Variants in GBF1 observed in about 807,000 individuals in gnomAD.
The protein encoded by GBF1 is Golgi-specific brefeldin A-resistance guanine nucleotide exchange factor 1.
A neutral mutation model predicts 210.5 loss-of-function variants in GBF1; 114 were observed. The ratio of observed to expected loss-of-function variants is 0.54; its 90% CI spans 0.47 to 0.63. GBF1 has a LOEUF of 0.63. GBF1 is among the 30% of genes least tolerant of loss of function. GBF1 has a pLI of 0.00. For missense variants in GBF1, 1,851 were observed against 2,357.7 expected (o/e 0.79, Z 4.45); for synonymous variants, 850 against 889.2 (o/e 0.96, Z 0.78).
chr10:102,376,676 G>C lies in GBF1; in HGVS notation c.4164G>C (p.Lys1388Asn). 6.2e-7 allele frequency: 1 copy of C among 1,613,962 alleles called. No individual in the cohort carries two copies. The highest frequency in any genetic ancestry group is 1.1e-5 in the South Asian group (1 of 91,076). ...VGLDLGPHDT[K>N]SLLKCVESLS... ...TGGATTTGGGGCCACACGACACTAA[G>C]TCTCTGCTTAAGTGTGTGGAATCGC... Residue 1388 changes from lysine (K) to asparagine (N), a missense_variant, in exon 32 of 40, where the codon AAG becomes AAC. Coordinates refer to ENST00000369983, the MANE Select transcript of GBF1 (RefSeq NM_001377137.1).
intron 3 of GBF1, among the ~76,000 whole-genome samples, chr10:102,318,450 C>T (rs1174111194): frequency 6.7e-6 from 1 of 150,234 alleles, no homozygotes; most frequent in Admixed American, 6.7e-5. Context: ...CTTGGCCTCC[C>T]AAAGTGCTGG....
At chr10:102,357,693 G>C (rs2059374298) in intron 8 of GBF1, among the ~76,000 whole-genome samples, 1 of 152,076 alleles carries the variant, frequency 6.6e-6, no homozygotes, top group Non-Finnish European at 1.5e-5. Flanking sequence ...TACACTTTCT[G>C]CAAGAGGGTC....
intron 3 of GBF1, among the ~76,000 whole-genome samples, chr10:102,316,205 G>A (rs2078918002): frequency 1.3e-5 from 2 of 150,712 alleles, no homozygotes; most frequent in Non-Finnish European, 2.9e-5. Context: ...TCCTGCCTCA[G>A]CCTCCCATGT....
At chr10:102,300,999 T>G (rs11594914) in intron 3 of GBF1, among the ~76,000 whole-genome samples, 5 of 148,922 alleles carry the variant, frequency 3.4e-5, no homozygotes, top group Non-Finnish European at 7.4e-5. Context: ...TTTTAAGTAT[T>G]TATTGATCAT....
At position 102,247,228 on chromosome 10, in the gene GBF1, A is replaced by C. The variant is rs557582383; in HGVS notation, c.-11+1447A>C. 2.0e-5 allele frequency among the ~76,000 whole-genome samples: 3 copies of C among 152,338 alleles called. No homozygotes were observed. In the South Asian group the frequency reaches 6.2e-4, roughly 32 times the overall value. On this transcript the variant is annotated intron_variant, in intron 1 of 39. Transcript: ENST00000369983. ...TCCTACCTTTGTCCTTATGAAATTG[A>C]AATTTCATAATTTCCCTTTTCCCTT...
At chr10:102,315,766 G>A (rs941322455) in intron 3 of GBF1, among the ~76,000 whole-genome samples, 7 of 152,142 alleles carry the variant, frequency 4.6e-5, no homozygotes, top group African/African-American at 1.4e-4. Context: ...GCCACAGACT[G>A]GTAGTGGTCC....
chr10:102,275,518 G>A (rs1412770076), intron 3 of GBF1, among the ~76,000 whole-genome samples: 4 of 152,152 alleles, frequency 2.6e-5, no homozygotes, highest in African/African-American at 9.7e-5. Context: ...CAGTGAAACA[G>A]TTAAACAGTG....
the GBF1 span, chr10:102,231,509 G>C: frequency 3.1e-6 from 3 of 963,012 alleles, no homozygotes; most frequent in Non-Finnish European, 4.7e-6. Flanking sequence ...GGCAGGTGGG[G>C]TGGAACCGCT....
rs572767546 is a variant in GBF1, at chr10:102,261,057, T to C, written c.163+941T>C. Among the ~76,000 whole-genome samples, 14 of 152,258 alleles carry C rather than the reference T, an allele frequency of 9.2e-5. No homozygotes were observed. The East Asian group carries it at 2.7e-3, about 29-fold the overall frequency. ...AGGCATGGCAGCTATTGTCCCCTTTTTGTGAAAGAAGTTAAAGCCCAGAGG... is the reference window on the plus strand; with the variant it reads ...AGGCATGGCAGCTATTGTCCCCTTTCTGTGAAAGAAGTTAAAGCCCAGAGG... On this transcript the variant is annotated intron_variant, in intron 3 of 39. Coordinates refer to ENST00000369983, the MANE Select transcript of GBF1 (RefSeq NM_001377137.1).
chr10:102,305,452 A>G (rs958349786), intron 3 of GBF1, among the ~76,000 whole-genome samples: 1 of 152,032 alleles, frequency 6.6e-6, no homozygotes, highest in African/African-American at 2.4e-5. Context: ...ATAGTGAAAA[A>G]TACAAAAATT....
rs1263151407 is a variant in GBF1 at position 102,293,764 on chromosome 10, G to GTTTTTTTTTTTTTTTTTTTTT, written c.163+33652_163+33653insTTTTTTTTTTTTTTTTTTTTT. Among the ~76,000 whole-genome samples, 174 of 50,878 alleles carry GTTTTTTTTTTTTTTTTTTTTT rather than the reference G, an allele frequency of 3.4e-3. 67 individuals carry two copies. Among genetic ancestry groups the GTTTTTTTTTTTTTTTTTTTTT allele is most frequent in the Middle Eastern group, 0.026 (2 of 78 alleles). The allele number at this position is 50,878 out of a possible 152,430, so 33.4% of individuals were successfully genotyped here. On this transcript the variant is annotated intron_variant, in intron 3 of 39. Transcript: ENST00000369983. ...AAAATATTTTGTACAGCTGTAGTAT[G>GTTTTTTTTTTTTTTTTTTTTT]TTTTGTGTTTTTTTTTTTTTTTTTT...
chr10:102,331,925 T>C (rs141867711), intron 3 of GBF1, among the ~76,000 whole-genome samples: 1,758 of 143,582 alleles, frequency 0.012, 31 homozygotes, highest in African/African-American at 0.043. Context: ...AGTGGCGCAG[T>C]CTTGGCTCAC....
intron 3 of GBF1, among the ~76,000 whole-genome samples, chr10:102,271,326 C>T (rs945869361): frequency 5.9e-5 from 9 of 152,192 alleles, no homozygotes; most frequent in East Asian, 1.9e-4. Flanking sequence ...CGTGAGCCAC[C>T]GCACCTGGCC....
chr10:102,279,476 A>T (rs1417395955), intron 3 of GBF1, among the ~76,000 whole-genome samples: 1 of 152,192 alleles, frequency 6.6e-6, no homozygotes, highest in African/African-American at 2.4e-5. Context: ...TCATCTTATT[A>T]AGCACTTCCA....
chr10:102,352,485 C>T lies in GBF1; in HGVS notation c.551C>T (p.Thr184Ile), dbSNP rs2059051323. 9.3e-6 allele frequency: 15 copies of T among 1,611,904 alleles called. No individual in the cohort carries two copies. The highest frequency in any genetic ancestry group is 4.0e-5 in the African/African-American group (3 of 74,898). Residue 184 changes from threonine (T) to isoleucine (I), a missense_variant, in exon 7 of 40, where the codon ACT becomes ATT. By Grantham distance (89) the Thr-to-Ile change is moderately conservative (BLOSUM62 -1). This residue lies in a region of GBF1 where 804 missense variants were observed against 958.6 expected (regional missense o/e 0.84). Coordinates refer to ENST00000369983, the MANE Select transcript of GBF1 (RefSeq NM_001377137.1). The part of the protein sequence containing the change: ...SELLRKSAEH[T>I]LVDMVQLLFT... Reference sequence around the variant, plus strand: ...TTATTGAGAAAATCCGCAGAGCACACTCTCGTAGACATGGTGCAGCTGCTC... The same window carrying T: ...TTATTGAGAAAATCCGCAGAGCACATTCTCGTAGACATGGTGCAGCTGCTC...
chr10:102,362,051 T>TTTTA, intron 14 of GBF1, 139 bp downstream of exon 14: 1 of 62,410 alleles, frequency 1.6e-5, no homozygotes, highest in Non-Finnish European at 3.1e-5. Flanking sequence ...TTTTCTTTTC[T>TTTTA]TTTTTTTTTT....
At chr10:102,362,278 G>A (rs568143921) in intron 14 of GBF1, among the ~76,000 whole-genome samples, 197 bp from the exon 15 acceptor site, 2 of 151,762 alleles carry the variant, frequency 1.3e-5, no homozygotes, top group South Asian at 2.1e-4. Flanking sequence ...GGATGGTCTC[G>A]ATCTCCTGAC....
At chr10:102,370,059 A>T in intron 26 of GBF1, 75 bp downstream of exon 26, 1 of 1,580,010 alleles carries the variant, frequency 6.3e-7, no homozygotes, top group Non-Finnish European at 8.7e-7. Flanking sequence ...ACTGAAGAAT[A>T]AATCATCCAG....
intron 3 of GBF1, among the ~76,000 whole-genome samples, chr10:102,312,373 A>C (rs2078534227): frequency 6.6e-6 from 1 of 151,906 alleles, no homozygotes; most frequent in Non-Finnish European, 1.5e-5. Flanking sequence ...CAATCCACTT[A>C]ATGGGTCTCT....
Sources: gnomAD v4.1 joint callset for allele counts (sites outside exome capture counted in the v4.1 genomes callset) on GRCh38, gnomAD v4.1.1 for gene constraint, gnomAD v4.1.1 regional missense constraint, MANE v1.5 for transcripts, NCBI Gene and HGNC (gene_info 2026-07-23, HGNC 2026-07-21) for gene names.